Variants in PHF20 observed in about 807,000 individuals in gnomAD.
PHF20 encodes PHD finger protein 20.
Under a neutral mutation model 113.5 loss-of-function variants are expected in PHF20, and 23 were observed. The observed-to-expected ratio is 0.20, with a 90% CI of 0.15 to 0.29. The LOEUF (loss-of-function observed/expected upper bound fraction) is 0.29. PHF20 is among the 10% of genes least tolerant of loss of function. The pLI is 1.00. For synonymous variants in PHF20, 434 were observed against 457.3 expected (o/e 0.95, Z 0.65); for missense variants, 943 against 1,219.6 (o/e 0.77, Z 3.38).
At chr20:35,902,993 C>G (rs535097803) in intron 10 of PHF20, among the ~76,000 whole-genome samples, 1 of 149,458 alleles carries the variant, frequency 6.7e-6, no homozygotes, top group Non-Finnish European at 1.5e-5. Flanking sequence ...ATTAAGAAGC[C>G]TGAGTGACTG....
intron 4 of PHF20, among the ~76,000 whole-genome samples, chr20:35,849,234 C>T (rs1054021716): frequency 1.3e-5 from 2 of 151,718 alleles, no homozygotes; most frequent in African/African-American, 4.8e-5. Context: ...GAAAGCTAGC[C>T]TTTGTAGGAG....
Position 35,801,779 on chromosome 20 carries a change from CTGT to C in PHF20, c.83+175_83+177del, listed in dbSNP as rs2041786226. ...TGCAGGGATCCCAGTGTCAGGGTGA[CTGT>C]CCTGTAACCCCCTGTATATATTTGT... On this transcript the variant is annotated intron_variant, in intron 2 of 17. Coordinates refer to ENST00000374012, the MANE Select transcript of PHF20 (RefSeq NM_016436.5). 9.1e-6 allele frequency: 5 copies of C among 548,952 alleles called. No homozygotes were observed. The South Asian group carries it at 1.1e-4, about 12-fold the overall frequency. 34.0% of individuals were successfully genotyped at this position (548,952 alleles called of 1,614,324 possible).
At chr20:35,814,647 G>T (rs2042035122) in intron 2 of PHF20, among the ~76,000 whole-genome samples, 1 of 150,230 alleles carries the variant, frequency 6.7e-6, no homozygotes. Context: ...GCCGAGGCAG[G>T]TGGATCACGA....
intron 2 of PHF20, among the ~76,000 whole-genome samples, chr20:35,819,674 GTGTT>G (rs1264224473): frequency 6.7e-6 from 1 of 148,544 alleles, no homozygotes; most frequent in Non-Finnish European, 1.5e-5. Context: ...GTGTGTGTGT[GTGTT>G]TTTAAGCAAT....
At chr20:35,833,542 A>G (rs1286456415) in intron 2 of PHF20, among the ~76,000 whole-genome samples, 1 of 151,930 alleles carries the variant, frequency 6.6e-6, no homozygotes, top group Admixed American at 6.6e-5. Flanking sequence ...ATATATTTCT[A>G]TTGCTGTTTT....
intron 10 of PHF20, among the ~76,000 whole-genome samples, chr20:35,908,271 G>A (rs985849366): frequency 6.6e-6 from 1 of 152,192 alleles, no homozygotes; most frequent in Non-Finnish European, 1.5e-5. Context: ...GTTCCTCAGG[G>A]ACTCACCTGC....
At chr20:35,794,000 A>C (rs867187156) in intron 1 of PHF20, among the ~76,000 whole-genome samples, 42 of 140,176 alleles carry the variant, frequency 3.0e-4, no homozygotes, top group Non-Finnish European at 4.8e-4. Flanking sequence ...TGTCTCAAAA[A>C]AAAAAAAAAA....
At chr20:35,849,423 A>AG (rs1425657178) in intron 4 of PHF20, 1 of 470,964 alleles carries the variant, frequency 2.1e-6, no homozygotes, top group African/African-American at 2.0e-5. Flanking sequence ...AGTAGAATGA[A>AG]GTAGGTGCTG....
At chr20:35,920,139 T>TA (rs1490651281) in intron 13 of PHF20, among the ~76,000 whole-genome samples, 5 of 152,358 alleles carry the variant, frequency 3.3e-5, no homozygotes, top group African/African-American at 1.2e-4. Context: ...TAGCCATACT[T>TA]ATCCCTAACC....
rs986543463 is a variant in PHF20, at chr20:35,787,684, A to C, written c.-32-13807A>C. On this transcript the variant is annotated intron_variant, in intron 1 of 17. Transcript: ENST00000374012. ...GTATTTTTAGTCTAGACGAGGTTTC[A>C]CCATGTTGGTCAGGCTGGTCTCGCT... Among the ~76,000 whole-genome samples the C allele has an allele frequency of 8.2e-5, 12 of 145,922 alleles. 2 individuals are homozygous for C. Among genetic ancestry groups the C allele is most frequent in the Admixed American group, 7.1e-5 (1 of 14,074 alleles).
chr20:35,780,212 C>T (rs2041259470), intron 1 of PHF20, among the ~76,000 whole-genome samples: 1 of 151,636 alleles, frequency 6.6e-6, no homozygotes, highest in African/African-American at 2.4e-5. Flanking sequence ...CCACCCTCAC[C>T]CCAGATTTCT....
chr20:35,788,009 C>G (rs1012337486), intron 1 of PHF20, among the ~76,000 whole-genome samples: 1 of 151,724 alleles, frequency 6.6e-6, no homozygotes, highest in Admixed American at 6.6e-5. Flanking sequence ...AACTCCTGGC[C>G]TTAAGTGATC....
intron 2 of PHF20, among the ~76,000 whole-genome samples, chr20:35,830,008 G>C (rs1171999936): frequency 2.6e-5 from 4 of 151,948 alleles, no homozygotes; most frequent in African/African-American, 9.7e-5. Context: ...CTGCCTCCTG[G>C]GTTCAAGCAG....
At chr20:35,910,709 A>G (rs1009470363) in intron 10 of PHF20, among the ~76,000 whole-genome samples, 2 of 151,188 alleles carry the variant, frequency 1.3e-5, no homozygotes, top group African/African-American at 4.9e-5. Flanking sequence ...ACTCACTACA[A>G]CCTCTGCCTC....
At chr20:35,940,229 T>C (rs1392644275) in intron 16 of PHF20, among the ~76,000 whole-genome samples, 1 of 152,198 alleles carries the variant, frequency 6.6e-6, no homozygotes, top group East Asian at 1.9e-4. Flanking sequence ...AAAAGGTTTG[T>C]GGTCCTGTGG....
chr20:35,775,300 C>T (rs996466445), intron 1 of PHF20, among the ~76,000 whole-genome samples: 7 of 152,048 alleles, frequency 4.6e-5, no homozygotes, highest in East Asian at 1.9e-4. Flanking sequence ...GTTTCATACA[C>T]GAAGACAAAG....
chr20:35,876,676 T>C (rs2054528276), intron 9 of PHF20, among the ~76,000 whole-genome samples: 1 of 151,620 alleles, frequency 6.6e-6, no homozygotes, highest in Non-Finnish European at 1.5e-5. Context: ...CCCCTAGAAG[T>C]TTAGAGGTCT....
intron 1 of PHF20, among the ~76,000 whole-genome samples, chr20:35,783,999 A>G (rs1441423343): frequency 6.6e-6 from 1 of 150,580 alleles, no homozygotes; most frequent in African/African-American, 2.4e-5. Context: ...ACAAAACCAA[A>G]CCAAAGTACT....
intron 2 of PHF20, among the ~76,000 whole-genome samples, chr20:35,835,060 A>G (rs2042416199): frequency 6.6e-6 from 1 of 151,894 alleles, no homozygotes; most frequent in South Asian, 2.1e-4. Flanking sequence ...GCGGATCACG[A>G]GGTCAAGAGA....
Sources: gnomAD v4.1 joint callset for allele counts (sites outside exome capture counted in the v4.1 genomes callset) on GRCh38, gnomAD v4.1.1 for gene constraint, MANE v1.5 for transcripts, NCBI Gene and HGNC (gene_info 2026-07-23, HGNC 2026-07-21) for gene names.